NCAPH: variants seen among roughly 807,000 people sequenced by gnomAD.
NCAPH encodes condensin complex subunit 2.
A neutral mutation model predicts 85.5 loss-of-function variants in NCAPH; 38 were observed. The observed-to-expected ratio is 0.44, with a 90% CI of 0.34 to 0.58. The LOEUF is 0.58. Ranked by LOEUF, NCAPH falls within the 20% of genes least tolerant of loss-of-function variation. NCAPH has a pLI of 0.01. For synonymous variants in NCAPH, 301 were observed against 335.1 expected, an observed-to-expected ratio of 0.90 and a Z score of 1.11; for missense variants, 789 against 916.6, an observed-to-expected ratio of 0.86 and a Z score of 1.80.
At chr2:96,342,717 C>A in intron 3 of NCAPH, 39 bp from the exon 4 acceptor site, 2 of 1,483,036 alleles carry the variant, frequency 1.3e-6, no homozygotes, top group Non-Finnish European at 1.9e-6. Context: ...TGAGCCTAGG[C>A]TATAAATAAC....
intron 8 of NCAPH, among the ~76,000 whole-genome samples, chr2:96,353,855 TTAC>T (rs1316305907): frequency 6.6e-6 from 1 of 152,182 alleles, no homozygotes; most frequent in African/African-American, 2.4e-5. Context: ...TTTAGCCTAC[TTAC>T]TACAATTTCC....
In NCAPH at chr2:96,359,536, T is replaced by C. The variant is rs75165733; in HGVS notation, c.1357+343T>C. ...GGGCACACAGGAGCTACTGCACATG[T>C]TGGCATTCTGTAGAACTCCAAAGGG... On this transcript the variant is annotated intron_variant, in intron 10 of 17. Coordinates refer to ENST00000240423, the MANE Select transcript of NCAPH (RefSeq NM_015341.5). 163 of 294,918 alleles carry C rather than the reference T, an allele frequency of 5.5e-4. 2 individuals carry two copies. The East Asian group carries it at 7.8e-3, about 14-fold the overall frequency. The allele number at this position is 294,918 out of a possible 1,614,324, so 18.3% of individuals were successfully genotyped here.
At position 96,361,235 on chromosome 2, in the gene NCAPH, G is replaced by A. The variant is rs1465580111; in HGVS notation, c.1587+525G>A. On this transcript the variant is annotated intron_variant, in intron 12 of 17. Coordinates refer to ENST00000240423, the MANE Select transcript of NCAPH (RefSeq NM_015341.5). ...AGTGAATTTTTTGTAGTTTTAACAG[G>A]GACAGGGTTTCACTATGTTGGCCAG... is the stretch of plus-strand genomic sequence containing the variant. Among the ~76,000 whole-genome samples, 3 of 151,316 alleles carry A rather than the reference G, an allele frequency of 2.0e-5. No homozygotes were observed. In the East Asian group the frequency reaches 5.8e-4, roughly 29 times the overall value.
At chr2:96,346,656 A>G (rs2064365393) in intron 6 of NCAPH, among the ~76,000 whole-genome samples, 1 of 152,112 alleles carries the variant, frequency 6.6e-6, no homozygotes, top group Non-Finnish European at 1.5e-5. Context: ...GTGGGGTCAA[A>G]GACTTCGTGG....
At chr2:96,351,680 A>AC in intron 6 of NCAPH, 151 bp from the exon 7 acceptor site, 13 of 664,322 alleles carry the variant, frequency 2.0e-5, no homozygotes, top group South Asian at 8.6e-5. Flanking sequence ...AAAAAAAAAA[A>AC]AAAAACAAAA....
At chr2:96,370,273 G>A (rs2064755480) in intron 17 of NCAPH, among the ~76,000 whole-genome samples, 1 of 152,252 alleles carries the variant, frequency 6.6e-6, no homozygotes, top group African/African-American at 2.4e-5. Flanking sequence ...CACCACCCTG[G>A]GGCTGGGGCA....
chr2:96,366,265 C>T (rs1021752999), intron 14 of NCAPH, among the ~76,000 whole-genome samples: 6 of 152,144 alleles, frequency 3.9e-5, no homozygotes, highest in African/African-American at 1.4e-4. Context: ...CTTGATAAGA[C>T]ATGTAACTAG....
At chr2:96,354,531 C>T in intron 9 of NCAPH, 143 bp downstream of exon 9, 1 of 703,696 alleles carries the variant, frequency 1.4e-6, no homozygotes, top group Non-Finnish European at 2.1e-6. Flanking sequence ...ACTGCATTGC[C>T]CAGGCTGGTC....
chr2:96,368,105 TTC>T (rs1159134715), intron 15 of NCAPH, among the ~76,000 whole-genome samples: 2 of 152,228 alleles, frequency 1.3e-5, no homozygotes, highest in African/African-American at 4.8e-5. Context: ...ATTAGAATCC[TTC>T]TCTCTTTCTG....
Position 96,373,469 on chromosome 2 carries a change from A to G in NCAPH, c.*118A>G, listed in dbSNP as rs996498898. 3.3e-6 allele frequency: 3 copies of G among 918,628 alleles called. No individual in the cohort carries two copies. The highest frequency in any genetic ancestry group is 4.3e-5 in the Admixed American group (2 of 46,038). 56.9% of individuals were successfully genotyped at this position (918,628 alleles called of 1,614,324 possible). On this transcript the variant is annotated 3_prime_UTR_variant, in exon 18 of 18. Transcript: ENST00000240423. ...ATACCCAGGCTGTAGCCAACTACCA[A>G]CGTGCCTGTTTGTTTGTTGCTCTTT... is the stretch of plus-strand genomic sequence containing the variant.
intron 13 of NCAPH, among the ~76,000 whole-genome samples, chr2:96,365,138 C>CT (rs1444630114): frequency 2.6e-5 from 4 of 152,110 alleles, no homozygotes; most frequent in Non-Finnish European, 5.9e-5. Flanking sequence ...CATATCCCTT[C>CT]TCTGAGTCTA....
rs1451954773 is a variant in NCAPH at position 96,350,607 on chromosome 2, G to A, written c.721-1224G>A. ...ACTGGGAGGAAACCGACTTGGACGT[G>A]TGGCTGCCTGAGGGCTAAAGGGATG... is the stretch of plus-strand genomic sequence containing the variant. On this transcript the variant is annotated intron_variant, in intron 6 of 17. Transcript: ENST00000240423. Among the ~76,000 whole-genome samples, 16 of 152,186 alleles carry A rather than the reference G, an allele frequency of 1.1e-4. No homozygotes were observed. In the East Asian group the frequency reaches 3.1e-3, roughly 29 times the overall value.
In NCAPH at chr2:96,335,795, C is replaced by T; in HGVS notation, c.-35C>T. The T allele has an allele frequency of 2.0e-6, 3 of 1,475,160 alleles. No individual in the cohort carries two copies. Among genetic ancestry groups the T allele is most frequent in the Non-Finnish European group, 2.7e-6 (3 of 1,114,464 alleles). The allele number at this position is 1,475,160 out of a possible 1,614,324, so 91.4% of individuals were successfully genotyped here. A position where few individuals can be genotyped will look rare whatever the true frequency, so the allele number is the denominator to read the frequency against. On this transcript the variant is annotated 5_prime_UTR_variant, in exon 1 of 18. Transcript: ENST00000240423. ...CGGCGCTCAGGCGTCTCGACGCGCG[C>T]GATTTAAAACCAGCTCAGGAGACGC...
chr2:96,337,634 G>C (rs2064232509), intron 1 of NCAPH, among the ~76,000 whole-genome samples: 2 of 152,244 alleles, frequency 1.3e-5, no homozygotes, highest in African/African-American at 4.8e-5. Context: ...TAGTCAGGGT[G>C]GTCTCGATCT....
At chr2:96,355,479 C>T (rs909514346) in intron 9 of NCAPH, among the ~76,000 whole-genome samples, 8 of 152,140 alleles carry the variant, frequency 5.3e-5, no homozygotes, top group Non-Finnish European at 1.0e-4. Flanking sequence ...CTCATTTTGT[C>T]TGCCCTTGTG....
At position 96,351,821 on chromosome 2, in the gene NCAPH, C is replaced by T; in HGVS notation, c.721-10C>T. On this transcript the variant is annotated splice_polypyrimidine_tract_variant and intron_variant, in intron 6 of 17. Transcript: ENST00000240423. ...CGTAAATCTTCAGTTTCTTCTCTCT[C>T]TGTGTTCAGATTGATCCCATGTTTC... The T allele has an allele frequency of 6.3e-7, 1 of 1,580,402 alleles. No individual in the cohort carries two copies. The highest frequency in any genetic ancestry group is 8.6e-7 in the Non-Finnish European group (1 of 1,165,806).
intron 17 of NCAPH, among the ~76,000 whole-genome samples, chr2:96,370,681 G>C (rs2064760602): frequency 6.6e-6 from 1 of 152,222 alleles, no homozygotes; most frequent in Non-Finnish European, 1.5e-5. Flanking sequence ...GCAGAAGCTA[G>C]TTTTGATTCT....
chr2:96,371,205 C>T lies in NCAPH; in HGVS notation c.2166+1705C>T, dbSNP rs566841757. Reference sequence around the variant, plus strand: ...TGACTTGAGAAGTGTCGGGGGAGGCCTGGAATCTCATTCGCACACCATCCT... The same window carrying T: ...TGACTTGAGAAGTGTCGGGGGAGGCTTGGAATCTCATTCGCACACCATCCT... On this transcript the variant is annotated intron_variant, in intron 17 of 17. Coordinates refer to ENST00000240423, the MANE Select transcript of NCAPH (RefSeq NM_015341.5). Among the ~76,000 whole-genome samples the T allele has an allele frequency of 5.3e-5, 8 of 152,236 alleles. No individual in the cohort carries two copies. The East Asian group carries it at 1.3e-3, about 26-fold the overall frequency.
chr2:96,369,539 C>A, intron 17 of NCAPH, 39 bp downstream of exon 17: 1 of 1,566,496 alleles, frequency 6.4e-7, no homozygotes, highest in Non-Finnish European at 8.8e-7. Context: ...TTAGAGTATT[C>A]CCTGTTTATG....
Sources: allele counts gnomAD v4.1 joint callset (sites outside exome capture counted in the v4.1 genomes callset), GRCh38; gene constraint gnomAD v4.1.1; transcripts MANE v1.5; gene names NCBI Gene and HGNC (gene_info 2026-07-23, HGNC 2026-07-21).